Variants in MYLK4 observed in about 807,000 individuals in gnomAD.
MYLK4 encodes the protein caMLCK like.
A neutral mutation model predicts 48.1 loss-of-function variants in MYLK4; 46 were observed. The observed-to-expected ratio is 0.96, with a 90% confidence interval of 0.75 to 1.22. The LOEUF (loss-of-function observed/expected upper bound fraction) is 1.22, where lower values mean the gene tolerates loss of function less well. Among genes scored for constraint, MYLK4 ranks in the 50% most tolerant of loss-of-function variants. The pLI, the probability that MYLK4 is intolerant of heterozygous loss-of-function variation, is 0.00. For synonymous variants in MYLK4, 170 were observed against 180.8 expected (o/e 0.94, Z 0.48); for missense variants, 451 against 486.1 (o/e 0.93, Z 0.68).
intron 7 of MYLK4, among the ~76,000 whole-genome samples, chr6:2,681,424 C>T (rs9503249): frequency 0.27 from 41,411 of 152,050 alleles, 6,546 homozygotes; most frequent in Non-Finnish European, 0.36. Context: ...GGGGGTGCTA[C>T]GTGAACCATT....
chr6:2,744,855 A>C (rs1764021555), intron 2 of MYLK4, among the ~76,000 whole-genome samples: 1 of 152,236 alleles, frequency 6.6e-6, no homozygotes, highest in African/African-American at 2.4e-5. Flanking sequence ...AGGCTTTCAA[A>C]CACAAATCAA....
At chr6:2,729,009 T>C (rs140083060) in intron 2 of MYLK4, among the ~76,000 whole-genome samples, 166 of 152,336 alleles carry the variant, frequency 1.1e-3, no homozygotes, top group African/African-American at 3.6e-3. Context: ...CTGGTTGCTA[T>C]GTGTACACAC....
chr6:2,675,121 G>T lies in MYLK4; in HGVS notation c.1045C>A (p.Arg349=), dbSNP rs368261756. 12 of 1,612,838 alleles carry T rather than the reference G, an allele frequency of 7.4e-6. No individual in the cohort carries two copies. The Admixed American group carries it at 1.7e-4, about 22-fold the overall frequency. ...SKLLIKEKSW[R]ISASEALKHP... is the part of the protein sequence containing the mutation. Reference sequence around the variant, plus strand: ...TTGAGAGCTTCGCTTGCACTTATTCGCCAACTAGAAGGAAATTCAGAAGGT... The same window carrying T: ...TTGAGAGCTTCGCTTGCACTTATTCTCCAACTAGAAGGAAATTCAGAAGGT... Residue 349 remains arginine, a synonymous_variant, in exon 11 of 13, where the codon CGA becomes AGA. Coordinates refer to ENST00000274643, the MANE Select transcript of MYLK4 (RefSeq NM_001012418.5).
chr6:2,710,228 GA>G, intron 2 of MYLK4, among the ~76,000 whole-genome samples: 1 of 152,282 alleles, frequency 6.6e-6, no homozygotes, highest in South Asian at 2.1e-4. Flanking sequence ...AATAAACATA[GA>G]AATTGATCCC....
intron 2 of MYLK4, among the ~76,000 whole-genome samples, chr6:2,728,538 A>C (rs1763368170): frequency 1.3e-5 from 2 of 151,990 alleles, no homozygotes; most frequent in African/African-American, 2.4e-5. Context: ...GTTTTACCCC[A>C]TGTGCTTGCT....
the MYLK4 span, among the ~76,000 whole-genome samples, chr6:2,763,076 G>A: frequency 6.6e-6 from 1 of 152,196 alleles, no homozygotes; most frequent in East Asian, 1.9e-4. Context: ...CCCACAACCT[G>A]CTGATTGGTC....
the MYLK4 span, among the ~76,000 whole-genome samples, chr6:2,767,770 C>G: frequency 6.6e-6 from 1 of 152,172 alleles, no homozygotes; most frequent in Non-Finnish European, 1.5e-5. Context: ...TCCCACCTAC[C>G]AAATGCCAGG....
At chr6:2,765,972 C>T in the MYLK4 span, 2 of 1,410,516 alleles carry the variant, frequency 1.4e-6, no homozygotes, top group South Asian at 1.5e-5. Flanking sequence ...CCGCCCACAC[C>T]CAGCGGCGCC....
At chr6:2,694,514 G>GGCGGTGGCAGTA (rs1561845908) in intron 2 of MYLK4, among the ~76,000 whole-genome samples, 4 of 9,556 alleles carry the variant, frequency 4.2e-4, no homozygotes, top group Non-Finnish European at 6.0e-4. Flanking sequence ...TGGTGGTGGC[G>GGCGGTGGCAGTA]GTGGTGGTGG....
chr6:2,737,863 C>T (rs1763736247), intron 2 of MYLK4, among the ~76,000 whole-genome samples: 1 of 150,224 alleles, frequency 6.7e-6, no homozygotes, highest in African/African-American at 2.4e-5. Flanking sequence ...AGTTTAGCTA[C>T]ATTAGTAGTA....
At chr6:2,718,274 C>T (rs1165977202) in intron 2 of MYLK4, among the ~76,000 whole-genome samples, 1 of 152,068 alleles carries the variant, frequency 6.6e-6, no homozygotes, top group Admixed American at 6.5e-5. Flanking sequence ...GAATCCCCAC[C>T]ATGCTCATGA....
intron 10 of MYLK4, among the ~76,000 whole-genome samples, chr6:2,677,292 A>T (rs1331946726): frequency 1.3e-5 from 2 of 152,176 alleles, no homozygotes; most frequent in East Asian, 3.9e-4. Flanking sequence ...CTTGAATGAA[A>T]GCATCTCCTG....
At chr6:2,765,884 G>T in the MYLK4 span, 1 of 1,450,820 alleles carries the variant, frequency 6.9e-7, no homozygotes, top group South Asian at 1.3e-5. Flanking sequence ...CACCCCGACG[G>T]CAGCCGAGAG....
intron 1 of MYLK4, among the ~76,000 whole-genome samples, chr6:2,750,073 T>C (rs938561787): frequency 2.0e-5 from 3 of 152,148 alleles, no homozygotes; most frequent in Non-Finnish European, 4.4e-5. Flanking sequence ...TAGAGACATA[T>C]ACGCATGTCT....
rs1193800159 is a variant in MYLK4 at position 2,671,353 on chromosome 6, G to A, written c.1120-5C>T. 2 of 1,613,684 alleles carry A rather than the reference G, an allele frequency of 1.2e-6. No homozygotes were observed. The highest frequency in any genetic ancestry group is 1.7e-6 in the Non-Finnish European group (2 of 1,179,730). On this transcript the variant is annotated splice_region_variant and splice_polypyrimidine_tract_variant and intron_variant, in intron 11 of 12. Coordinates refer to ENST00000274643, the MANE Select transcript of MYLK4 (RefSeq NM_001012418.5). ...AGAGCCACGATTCTTCTTCTTCTAG[G>A]GAAAGCAGAAGGCATATGGGAAGGA...
chr6:2,725,214 T>C (rs1763213441), intron 2 of MYLK4, among the ~76,000 whole-genome samples: 1 of 151,824 alleles, frequency 6.6e-6, no homozygotes, highest in Non-Finnish European at 1.5e-5. Context: ...TCCCAGCACT[T>C]TGGGAGGCTA....
Position 2,690,739 on chromosome 6 carries a change from T to C in MYLK4, c.236-1783A>G, listed in dbSNP as rs1001037183. On this transcript the variant is annotated intron_variant, in intron 3 of 12. Coordinates refer to ENST00000274643, the MANE Select transcript of MYLK4 (RefSeq NM_001012418.5). ...GTCATTTTATGAATACCTAACTAAT[T>C]TGATCTTCATTTTTTCACTTCCTTT... Among the ~76,000 whole-genome samples the C allele has an allele frequency of 5.9e-5, 9 of 152,076 alleles. No individual in the cohort carries two copies. In the South Asian group the frequency reaches 6.2e-4, roughly 11 times the overall value.
chr6:2,765,203 C>CCT, the MYLK4 span, among the ~76,000 whole-genome samples: 3 of 127,910 alleles, frequency 2.3e-5, no homozygotes, highest in African/African-American at 8.0e-5. Context: ...CGCCCCTCCC[C>CCT]CGCCCCCGCA....
Position 2,739,360 on chromosome 6 carries a change from G to A in MYLK4, c.159+9776C>T, listed in dbSNP as rs192755193. The stretch of plus-strand genomic sequence containing the variant: ...TTTAAAGGAAAGCTGAGACACTAAG[G>A]AATCTTGGGTGAGTCCATCTGACTT... On this transcript the variant is annotated intron_variant, in intron 2 of 12. Transcript: ENST00000274643. 2.3e-3 allele frequency among the ~76,000 whole-genome samples: 347 copies of A among 152,300 alleles called. 1 individual carries two copies. The highest frequency in any genetic ancestry group is 6.4e-3 in the South Asian group (31 of 4,822).
Sources: allele counts gnomAD v4.1 joint callset (sites outside exome capture counted in the v4.1 genomes callset), GRCh38; gene constraint gnomAD v4.1.1; transcripts MANE v1.5; gene names NCBI Gene and HGNC (gene_info 2026-07-23, HGNC 2026-07-21).